PCDHGB6: variants seen among roughly 807,000 people sequenced by gnomAD.
The protein encoded by PCDHGB6 is protocadherin gamma subfamily B, 6.
Under a neutral mutation model 59.1 loss-of-function variants are expected in PCDHGB6, and 51 were observed. The observed-to-expected ratio is 0.86, with a 90% CI of 0.69 to 1.09. The LOEUF (loss-of-function observed/expected upper bound fraction) is 1.09. PCDHGB6 is among the 50% of genes least tolerant of loss of function. PCDHGB6 has a pLI of 0.00. For missense variants in PCDHGB6, 1,148 were observed against 1,205.1 expected (o/e 0.95, Z 0.70); for synonymous variants, 466 against 495.1 (o/e 0.94, Z 0.78).
intron 1 of PCDHGB6, chr5:141,415,179 G>A: frequency 6.2e-7 from 1 of 1,613,934 alleles, no homozygotes; most frequent in Non-Finnish European, 8.5e-7. Flanking sequence ...CCGTGGCCGT[G>A]GCCGACAGCA....
At position 141,409,928 on chromosome 5, in the gene PCDHGB6, G is replaced by C. The variant is rs2095338081; in HGVS notation, c.1726G>C (p.Asp576His). 1 of 1,613,354 alleles carries C rather than the reference G, an allele frequency of 6.2e-7. No homozygotes were observed. The highest frequency in any genetic ancestry group is 8.5e-7 in the Non-Finnish European group (1 of 1,179,776). ...ALGPDGSAFF[D>H]MVPRSAEPGY... ...GGGTCCTGACGGCTCCGCGTTCTTC[G>C]ATATGGTACCTCGCTCTGCAGAGCC... Residue 576 changes from aspartate to histidine, a missense_variant, in exon 1 of 4, where the codon GAT becomes CAT. Asp to His is a moderately conservative substitution (Grantham distance 81). Transcript: ENST00000520790.
chr5:141,458,018 A>G (rs1361716104), intron 1 of PCDHGB6, among the ~76,000 whole-genome samples: 1 of 152,188 alleles, frequency 6.6e-6, no homozygotes, highest in Admixed American at 6.5e-5. Flanking sequence ...GGTTTTTCCA[A>G]TTGTGTTCTG....
Position 141,500,858 on chromosome 5 carries a change from A to G in PCDHGB6, c.2478-4535A>G, listed in dbSNP as rs1160743056. Among the ~76,000 whole-genome samples the G allele has an allele frequency of 3.3e-5, 5 of 150,740 alleles. No individual in the cohort carries two copies. The South Asian group carries it at 1.0e-3, about 32-fold the overall frequency. ...TAATGGGCTTTTGCTACATTAGAAA[A>G]CATACACATTCATTTACAATTTTTT... On this transcript the variant is annotated intron_variant, in intron 2 of 3. Coordinates refer to ENST00000520790, the MANE Select transcript of PCDHGB6 (RefSeq NM_018926.3).
chr5:141,424,538 A>G (rs547426760), intron 1 of PCDHGB6: 37 of 152,340 alleles, frequency 2.4e-4, no homozygotes, highest in African/African-American at 8.9e-4. Context: ...TATAGAAATA[A>G]CTTGATTTTG....
intron 1 of PCDHGB6, among the ~76,000 whole-genome samples, chr5:141,445,851 A>G (rs957077325): frequency 2.0e-5 from 3 of 152,210 alleles, no homozygotes; most frequent in African/African-American, 7.2e-5. Context: ...CACACTTAAA[A>G]TTCTGGATTT....
intron 1 of PCDHGB6, among the ~76,000 whole-genome samples, chr5:141,435,652 G>A (rs978809372): frequency 3.9e-5 from 6 of 152,226 alleles, no homozygotes; most frequent in East Asian, 1.9e-4. Flanking sequence ...TTTCTGAAAC[G>A]TGCACAGATT....
chr5:141,423,730 A>G, intron 1 of PCDHGB6: 1 of 831,022 alleles, frequency 1.2e-6, no homozygotes. Flanking sequence ...ATGTTTTTTG[A>G]GCCTGTTATG....
rs61612330 is a variant in PCDHGB6 at position 141,454,796 on chromosome 5, A to ATTTTTTTTTT, written c.2419-39991_2419-39982dup. Among the ~76,000 whole-genome samples, 264 of 77,454 alleles carry ATTTTTTTTTT rather than the reference A, an allele frequency of 3.4e-3. 39 individuals carry two copies. Among genetic ancestry groups the ATTTTTTTTTT allele is most frequent in the African/African-American group, 0.012 (196 of 16,878 alleles). 50.8% of individuals were successfully genotyped at this position (77,454 alleles called of 152,430 possible). A position where few individuals can be genotyped will look rare whatever the true frequency, so the allele number is the denominator to read the frequency against. ...AAGGAAATAATCCTCCATGGTTCTA[A>ATTTTTTTTTT]TTTTTTTTTTTTTTTTTTTTTTTTT... On this transcript the variant is annotated intron_variant, in intron 1 of 3. Transcript: ENST00000520790.
At chr5:141,438,621 T>C (rs1164140266) in intron 1 of PCDHGB6, among the ~76,000 whole-genome samples, 4 of 41,368 alleles carry the variant, frequency 9.7e-5, no homozygotes, top group Admixed American at 3.5e-4. Flanking sequence ...TATATATATA[T>C]ATATATATAT....
intron 1 of PCDHGB6, chr5:141,422,932 C>G: frequency 6.2e-7 from 1 of 1,614,252 alleles, no homozygotes; most frequent in Non-Finnish European, 8.5e-7. Context: ...CCCTGCCCTC[C>G]CCACAGACGG....
At chr5:141,430,947 G>T (rs1169662602) in intron 1 of PCDHGB6, 1 of 1,610,002 alleles carries the variant, frequency 6.2e-7, no homozygotes, top group Non-Finnish European at 8.5e-7. Flanking sequence ...GCGGAGCGCG[G>T]AGTCCGCATC....
At chr5:141,437,903 A>G (rs1591482477) in intron 1 of PCDHGB6, among the ~76,000 whole-genome samples, 1 of 152,064 alleles carries the variant, frequency 6.6e-6, no homozygotes, top group East Asian at 1.9e-4. Context: ...ACACCCAGCT[A>G]ATTTTTGTAT....
Position 141,432,548 on chromosome 5 carries a change from G to T in PCDHGB6, c.2418+21928G>T, listed in dbSNP as rs1251651638. On this transcript the variant is annotated intron_variant, in intron 1 of 3. Coordinates refer to ENST00000520790, the MANE Select transcript of PCDHGB6 (RefSeq NM_018926.3). The surrounding 1 kb of genome is among the most constrained non-coding windows in gnomAD (Gnocchi z 6.0). ...GACCAAGGTGGTGGCGGTGGACAGA[G>T]ACTCCGGCCAGAACGCCTGGCTGTC... 1.9e-6 allele frequency: 3 copies of T among 1,613,998 alleles called. No homozygotes were observed. The South Asian group carries it at 3.3e-5, about 18-fold the overall frequency.
chr5:141,460,092 T>C (rs186695697), intron 1 of PCDHGB6, among the ~76,000 whole-genome samples: 37 of 152,056 alleles, frequency 2.4e-4, no homozygotes, highest in Admixed American at 9.8e-4. Context: ...ATAATAATTA[T>C]ACATGTAATT....
At chr5:141,457,514 CAATT>C (rs1258794594) in intron 1 of PCDHGB6, among the ~76,000 whole-genome samples, 2 of 152,260 alleles carry the variant, frequency 1.3e-5, no homozygotes, top group African/African-American at 4.8e-5. Context: ...AGCTTAAAAA[CAATT>C]AATGAGACTA....
At chr5:141,421,934 T>C (rs1478005202) in intron 1 of PCDHGB6, 1 of 1,613,548 alleles carries the variant, frequency 6.2e-7, no homozygotes, top group Admixed American at 1.7e-5. Context: ...GTCCTCGATG[T>C]AAATGATCAC....
At chr5:141,427,733 C>T (rs2097062553) in intron 1 of PCDHGB6, 2 of 1,200,562 alleles carry the variant, frequency 1.7e-6, no homozygotes, top group East Asian at 4.7e-5. Context: ...GGCTGAATGG[C>T]CAAGTCTCCT....
intron 1 of PCDHGB6, among the ~76,000 whole-genome samples, chr5:141,435,227 G>T (rs1461159947): frequency 1.3e-5 from 2 of 152,030 alleles, no homozygotes; most frequent in African/African-American, 4.8e-5. Context: ...TTCTTTCAAA[G>T]TTCAGTAATT....
In PCDHGB6 at chr5:141,491,722, C is replaced by T. The variant is rs1276921909; in HGVS notation, c.2419-3085C>T. ...CCAGGTGAGGGGCTCGGCGCCGCCC[C>T]GGGCGACCCCTGGGGGCGGCACTGG... On this transcript the variant is annotated intron_variant, in intron 1 of 3. Coordinates refer to ENST00000520790, the MANE Select transcript of PCDHGB6 (RefSeq NM_018926.3). This position sits in a 1 kb window ranked among gnomAD's most constrained non-coding sequence, Gnocchi z 6.9. The T allele has an allele frequency of 6.2e-7, 1 of 1,607,004 alleles. No homozygotes were observed.
Sources: gnomAD v4.1 joint callset for allele counts (sites outside exome capture counted in the v4.1 genomes callset) on GRCh38, gnomAD v4.1.1 for gene constraint, Gnocchi (gnomAD v3.1) non-coding constraint, MANE v1.5 for transcripts, NCBI Gene and HGNC (gene_info 2026-07-23, HGNC 2026-07-21) for gene names.